Variants in COL13A1 observed in about 807,000 individuals in gnomAD.
COL13A1 encodes collagen type XIII alpha 1 chain.
Under a neutral mutation model 130.9 loss-of-function variants are expected in COL13A1, and 89 were observed. The observed-to-expected ratio is 0.68, with a 90% CI of 0.57 to 0.81. The LOEUF (loss-of-function observed/expected upper bound fraction) is 0.81. COL13A1 is among the 30% of genes least tolerant of loss of function. The pLI is 0.00. For missense variants in COL13A1, 879 were observed against 934.6 expected, an observed-to-expected ratio of 0.94 and a Z score of 0.78; for synonymous variants, 402 against 341.6, an observed-to-expected ratio of 1.18 and a Z score of -1.95.
At chr10:69,847,907 C>A (rs534624795) in intron 2 of COL13A1, among the ~76,000 whole-genome samples, 9 of 152,348 alleles carry the variant, frequency 5.9e-5, no homozygotes, top group Admixed American at 5.2e-4. Context: ...CCCCTTCCTG[C>A]AAAGGGCTGG....
chr10:69,806,865 G>A (rs1244146454), intron 1 of COL13A1, among the ~76,000 whole-genome samples: 3 of 152,096 alleles, frequency 2.0e-5, no homozygotes, highest in East Asian at 1.9e-4. Flanking sequence ...AAAATTAGCC[G>A]GGCATGGTGG....
At chr10:69,945,857 G>T (rs999141745) in intron 37 of COL13A1, 133 bp downstream of exon 37, 4 of 1,107,470 alleles carry the variant, frequency 3.6e-6, no homozygotes, top group Non-Finnish European at 5.2e-6. Context: ...CGCATCACGA[G>T]GTCAGGAGAT....
At chr10:69,933,317 G>T (rs537024941) in intron 31 of COL13A1, among the ~76,000 whole-genome samples, 1 of 152,176 alleles carries the variant, frequency 6.6e-6, no homozygotes, top group Non-Finnish European at 1.5e-5. Context: ...TCAGAGGTAG[G>T]CTTTCCAGAT....
At chr10:69,836,302 G>T (rs1179597171) in intron 2 of COL13A1, among the ~76,000 whole-genome samples, 1 of 152,126 alleles carries the variant, frequency 6.6e-6, no homozygotes, top group Non-Finnish European at 1.5e-5. Flanking sequence ...CATCCTCCAG[G>T]ATTCCAGCCC....
At chr10:69,929,961 T>A in intron 28 of COL13A1, 82 bp from the exon 29 acceptor site, 1 of 1,143,518 alleles carries the variant, frequency 8.7e-7, no homozygotes, top group Non-Finnish European at 1.3e-6. Context: ...TGGAGTGGGA[T>A]GCCGGGTGCA....
chr10:69,925,010 A>G lies in COL13A1; in HGVS notation c.1329+3A>G. 1.3e-6 allele frequency: 2 copies of G among 1,581,780 alleles called. No individual in the cohort carries two copies. The highest frequency in any genetic ancestry group is 1.7e-6 in the Non-Finnish European group (2 of 1,164,626). On this transcript the variant is annotated splice_donor_region_variant and intron_variant, in intron 25 of 40. Coordinates refer to ENST00000645393, the MANE Select transcript of COL13A1 (RefSeq NM_001368882.1). Reference sequence around the variant, plus strand: ...AACAGGGACCAGATGGCCCCAAGGTATGTGCCTCTCCCTCCTGGAGTCACA... The same window carrying G: ...AACAGGGACCAGATGGCCCCAAGGTGTGTGCCTCTCCCTCCTGGAGTCACA...
At chr10:69,912,137 C>A (rs576839722) in intron 17 of COL13A1, among the ~76,000 whole-genome samples, 1 of 152,226 alleles carries the variant, frequency 6.6e-6, no homozygotes, top group Non-Finnish European at 1.5e-5. Flanking sequence ...CCCCAGCCCC[C>A]ACCCTGAGCA....
At chr10:69,807,617 G>A (rs1841929574) in intron 1 of COL13A1, among the ~76,000 whole-genome samples, 1 of 152,180 alleles carries the variant, frequency 6.6e-6, no homozygotes, top group South Asian at 2.1e-4. Flanking sequence ...ATGAGGATGG[G>A]AAGAGACTCT....
chr10:69,885,163 A>G (rs2134450113), intron 7 of COL13A1, among the ~76,000 whole-genome samples: 1 of 152,356 alleles, frequency 6.6e-6, no homozygotes, highest in Non-Finnish European at 1.5e-5. Flanking sequence ...TTTAAACATG[A>G]CACAAAACCC....
At chr10:69,889,309 G>A (rs2060924662) in intron 9 of COL13A1, 105 bp from the exon 10 acceptor site, 1 of 833,904 alleles carries the variant, frequency 1.2e-6, no homozygotes. Flanking sequence ...GAGGAGCACG[G>A]GGGGCAGGGA....
chr10:69,930,628 C>G (rs1322587344), intron 30 of COL13A1, 76 bp downstream of exon 30: 2 of 1,494,044 alleles, frequency 1.3e-6, no homozygotes, highest in Admixed American at 4.4e-5. Context: ...GGGCTTTGCA[C>G]TTTGCATGAT....
intron 2 of COL13A1, among the ~76,000 whole-genome samples, chr10:69,844,357 G>C (rs1443954439): frequency 1.3e-5 from 2 of 152,198 alleles, no homozygotes; most frequent in Non-Finnish European, 2.9e-5. Context: ...TTCTGGGCAA[G>C]TTATCTGACC....
chr10:69,805,607 G>A (rs1022797897), intron 1 of COL13A1, among the ~76,000 whole-genome samples: 2 of 152,226 alleles, frequency 1.3e-5, no homozygotes, highest in Non-Finnish European at 2.9e-5. Flanking sequence ...TGCAGCTAGG[G>A]ACTATGGAGC....
chr10:69,810,104 G>A (rs1469106210), intron 1 of COL13A1, among the ~76,000 whole-genome samples: 2 of 152,158 alleles, frequency 1.3e-5, no homozygotes, highest in African/African-American at 4.8e-5. Flanking sequence ...TAAAAGATCT[G>A]AAGTAACTAA....
rs974481723 is a variant in COL13A1, at chr10:69,958,634, A to C, written c.2185-65A>C. 1.9e-6 allele frequency: 3 copies of C among 1,611,430 alleles called. No individual in the cohort carries two copies. In the African/African-American group the frequency reaches 4.0e-5, roughly 22 times the overall value. ...GGACAAGATTTACCTCCCTTCCTACAAAGGAAATAAACCTCTGCAGACCCA... is the reference window on the plus strand; with the variant it reads ...GGACAAGATTTACCTCCCTTCCTACCAAGGAAATAAACCTCTGCAGACCCA... On this transcript the variant is annotated intron_variant, in intron 40 of 40. Transcript: ENST00000645393.
intron 10 of COL13A1, among the ~76,000 whole-genome samples, 185 bp downstream of exon 10, chr10:69,889,625 G>A (rs2060964135): frequency 5.9e-5 from 9 of 152,214 alleles, no homozygotes; most frequent in Middle Eastern, 3.2e-3. Context: ...AGGAGAAATG[G>A]GCAGGGGCTT....
At chr10:69,922,665 C>G (rs377450246) in intron 22 of COL13A1, 43 bp from the exon 23 acceptor site, 1 of 1,514,592 alleles carries the variant, frequency 6.6e-7, no homozygotes, top group African/African-American at 1.4e-5. Flanking sequence ...CAGCCTAGAC[C>G]TTCCTCCACA....
intron 4 of COL13A1, 31 bp downstream of exon 4, chr10:69,872,241 C>A (rs1205449531): frequency 1.2e-6 from 2 of 1,613,372 alleles, no homozygotes; most frequent in Non-Finnish European, 1.7e-6. Context: ...CTTTCCTTTG[C>A]ATCTCTTTTA....
At chr10:69,829,080 C>T (rs1848195087) in intron 2 of COL13A1, among the ~76,000 whole-genome samples, 3 of 152,132 alleles carry the variant, frequency 2.0e-5, no homozygotes, top group Admixed American at 6.5e-5. Flanking sequence ...CCCCACCTGG[C>T]CCTTTCCAAC....
Sources: gnomAD v4.1 joint callset for allele counts (sites outside exome capture counted in the v4.1 genomes callset) on GRCh38, gnomAD v4.1.1 for gene constraint, MANE v1.5 for transcripts, NCBI Gene and HGNC (gene_info 2026-07-23, HGNC 2026-07-21) for gene names.